Variants in GALC observed in about 807,000 individuals in gnomAD.
GALC encodes galactocerebrosidase.
Under a neutral mutation model 91.8 loss-of-function variants are expected in GALC, and 77 were observed. The ratio of observed to expected loss-of-function variants is 0.84; its 90% CI spans 0.70 to 1.01. The LOEUF (loss-of-function observed/expected upper bound fraction) is 1.01, where lower values mean the gene tolerates loss of function less well. Ranked by LOEUF, GALC falls within the 50% of genes least tolerant of loss-of-function variation. The pLI is 0.00. For missense variants in GALC, 882 were observed against 855.9 expected, an observed-to-expected ratio of 1.03 and a Z score of -0.38; for synonymous variants, 357 against 306.7, an observed-to-expected ratio of 1.16 and a Z score of -1.71.
chr14:87,989,402 TC>T (rs1364165944), intron 1 of GALC, among the ~76,000 whole-genome samples: 4 of 152,036 alleles, frequency 2.6e-5, no homozygotes, highest in Non-Finnish European at 4.4e-5. Flanking sequence ...ACCCAAAACA[TC>T]CCCAGTCCCT....
At chr14:87,993,258 C>G (rs566580913), upstream of GALC, 12 of 1,540,154 alleles carry the variant, frequency 7.8e-6, no homozygotes, top group South Asian at 1.4e-4. Flanking sequence ...GACGCCGCCG[C>G]CGCCATTTTG....
chr14:87,963,639 G>A (rs563490599), intron 9 of GALC, 128 bp from the exon 10 acceptor site: 33 of 739,944 alleles, frequency 4.5e-5, no homozygotes, highest in Middle Eastern at 7.6e-4. Flanking sequence ...TATTTTGCAG[G>A]AATATATCCG....
At chr14:87,944,242 G>GGGGCTT (rs1221940304) in intron 14 of GALC, among the ~76,000 whole-genome samples, 8 of 151,908 alleles carry the variant, frequency 5.3e-5, no homozygotes, top group African/African-American at 1.9e-4. Context: ...CTACAATTAA[G>GGGGCTT]GGGCTTCTCA....
rs891363311 is a variant in GALC, at chr14:87,934,020, A to T, written c.*712T>A. ...GCCACCTGGAAAAACGTTCACAGAGAGTTATAGTGGTTACAAGACCAAAAC... is the reference window on the plus strand; with the variant it reads ...GCCACCTGGAAAAACGTTCACAGAGTGTTATAGTGGTTACAAGACCAAAAC... On this transcript the variant is annotated 3_prime_UTR_variant, in exon 17 of 17. Transcript: ENST00000261304. 1.3e-6 allele frequency: 2 copies of T among 1,534,302 alleles called. No homozygotes were observed. Among genetic ancestry groups the T allele is most frequent in the African/African-American group, 2.7e-5 (2 of 72,950 alleles).
rs111754454 is a variant in GALC, at chr14:87,983,027, A to G, written c.583-784T>C. Among the ~76,000 whole-genome samples, 312 of 152,310 alleles carry G rather than the reference A, an allele frequency of 2.0e-3. 2 individuals are homozygous for G. Among genetic ancestry groups the G allele is most frequent in the Non-Finnish European group, 3.3e-3 (226 of 68,016 alleles). On this transcript the variant is annotated intron_variant, in intron 5 of 16. Coordinates refer to ENST00000261304, the MANE Select transcript of GALC (RefSeq NM_000153.4). ...CCTACATTTAGTCTCACTACAGGTT[A>G]TAAATGTCCTGACATTTAAGAAAGT...
At chr14:87,959,710 G>C (rs978443364) in intron 10 of GALC, 3 of 130,480 alleles carry the variant, frequency 2.3e-5, no homozygotes, top group African/African-American at 8.4e-5. Flanking sequence ...TGCAGAGTAA[G>C]ATTCTGCCTC....
chr14:87,984,631 G>T, intron 4 of GALC, 98 bp from the exon 5 acceptor site: 2 of 1,191,440 alleles, frequency 1.7e-6, no homozygotes, highest in Non-Finnish European at 2.4e-6. Context: ...CATTCAACTA[G>T]CAAAAAACCA....
At chr14:87,979,016 T>TC (rs1360126906) in intron 6 of GALC, among the ~76,000 whole-genome samples, 1 of 152,136 alleles carries the variant, frequency 6.6e-6, no homozygotes, top group East Asian at 1.9e-4. Flanking sequence ...ATTATTGAAC[T>TC]CTTTGTGATA....
At chr14:87,938,362 G>A (rs400777) in intron 16 of GALC, among the ~76,000 whole-genome samples, 96,567 of 151,790 alleles carry the variant, frequency 0.64, 31,445 homozygotes, top group African/African-American at 0.73. Flanking sequence ...TTTTCTATCA[G>A]GTGGTCAGGT....
chr14:87,955,846 A>G (rs944272935), intron 10 of GALC, among the ~76,000 whole-genome samples: 7 of 152,054 alleles, frequency 4.6e-5, no homozygotes, highest in Non-Finnish European at 8.8e-5. Flanking sequence ...ATTGTAGAAG[A>G]AGCTCATGTA....
At chr14:87,989,252 A>T (rs1245200171) in intron 1 of GALC, among the ~76,000 whole-genome samples, 1 of 152,200 alleles carries the variant, frequency 6.6e-6, no homozygotes, top group Non-Finnish European at 1.5e-5. Context: ...AGACAGTCCT[A>T]GGTTCAAACT....
chr14:87,965,529 C>T lies in GALC; in HGVS notation c.1009G>A (p.Val337Ile). The change falls in exon 9 of 17, where the codon GTA (valine) becomes ATA (isoleucine). Residue 337 changes from valine to isoleucine, a missense_variant. Coordinates refer to ENST00000261304, the MANE Select transcript of GALC (RefSeq NM_000153.4). ...AQEPWSGHYV[V>I]ESPVWVSAHT... is the part of the protein sequence containing the mutation. ...CCTGATACCCAGACAGGAGATTCTA[C>T]CACGTAGTGCCCACTCCATGGCTCC... is the stretch of plus-strand genomic sequence containing the variant. 1 of 1,613,520 alleles carries T rather than the reference C, an allele frequency of 6.2e-7. No homozygotes were observed. Among genetic ancestry groups the T allele is most frequent in the Non-Finnish European group, 8.5e-7 (1 of 1,179,602 alleles).
At position 87,993,090 on chromosome 14, in the gene GALC, G is replaced by A. The variant is rs111976362; in HGVS notation, c.75C>T (p.Gly25=). ...KAMTAAAGSA[G]RAAVPLLLCA... is the part of the protein sequence containing the mutation. The stretch of plus-strand genomic sequence containing the variant: ...ACAGCAGCAAGGGCACCGCGGCGCG[G>A]CCCGCCGAACCCGCGGCCGCAGTCA... The change falls in exon 1 of 17, where the codon GGC becomes GGT. Residue 25 remains glycine (G), a synonymous_variant. Transcript: ENST00000261304. The A allele has an allele frequency of 1.9e-6, 3 of 1,577,780 alleles. No homozygotes were observed. Among genetic ancestry groups the A allele is most frequent in the South Asian group, 2.3e-5 (2 of 87,012 alleles).
intron 7 of GALC, among the ~76,000 whole-genome samples, chr14:87,969,908 G>A (rs1308759477): frequency 6.6e-6 from 1 of 152,018 alleles, no homozygotes; most frequent in African/African-American, 2.4e-5. Flanking sequence ...GAAAAATGAG[G>A]TTCCACTAAG....
chr14:87,952,089 AAT>A (rs1307115028), intron 10 of GALC, among the ~76,000 whole-genome samples: 3 of 151,898 alleles, frequency 2.0e-5, no homozygotes, highest in Non-Finnish European at 2.9e-5. Context: ...TAAAAATAAA[AAT>A]AAAGAAAAAA....
chr14:87,949,008 AAGGCAAGGCTC>A (rs1441589251), intron 12 of GALC, among the ~76,000 whole-genome samples: 1 of 152,018 alleles, frequency 6.6e-6, no homozygotes, highest in African/African-American at 2.4e-5. Context: ...AAAGCTAAAT[AAGGCAAGGCTC>A]AGTCTTCAAG....
At chr14:87,973,519 A>G (rs1886377929) in intron 7 of GALC, among the ~76,000 whole-genome samples, 1 of 152,226 alleles carries the variant, frequency 6.6e-6, no homozygotes, top group Admixed American at 6.5e-5. Context: ...TAGCTGTCAA[A>G]TCAATATAGT....
At chr14:87,955,814 A>G (rs919718305) in intron 10 of GALC, among the ~76,000 whole-genome samples, 18 of 152,064 alleles carry the variant, frequency 1.2e-4, no homozygotes, top group Non-Finnish European at 5.9e-5. Context: ...GCAAACATGT[A>G]GCAATCTGTT....
rs750881596 is a variant in GALC, at chr14:87,984,393, C to T, written c.582+1G>A. 8.1e-6 allele frequency: 13 copies of T among 1,611,968 alleles called. No individual in the cohort carries two copies. The highest frequency in any genetic ancestry group is 2.7e-5 in the African/African-American group (2 of 74,870). ...AATCATATTTTAAATATATTACTAA[C>T]TCCAATATAATCAATGTCCAAATCA... On this transcript the variant is annotated splice_donor_variant, in intron 5 of 16. Transcript: ENST00000261304. LOFTEE classifies it high-confidence loss of function.
Sources: allele counts gnomAD v4.1 joint callset (sites outside exome capture counted in the v4.1 genomes callset), GRCh38; gene constraint gnomAD v4.1.1; transcripts MANE v1.5; gene names NCBI Gene and HGNC (gene_info 2026-07-23, HGNC 2026-07-21).